Variants in POLRMT observed in about 807,000 individuals in gnomAD.
POLRMT encodes DNA-directed RNA polymerase, mitochondrial.
Under a neutral mutation model 132.2 loss-of-function variants are expected in POLRMT, and 114 were observed. The ratio of observed to expected loss-of-function variants is 0.86; its 90% CI spans 0.74 to 1.01. The LOEUF (loss-of-function observed/expected upper bound fraction) is 1.01, where lower values mean the gene tolerates loss of function less well. Among genes scored for constraint, POLRMT ranks in the 50% least tolerant of loss-of-function variants. The pLI is 0.00. For missense variants in POLRMT, 2,003 were observed against 1,729.1 expected (o/e 1.16, Z -2.81); for synonymous variants, 1,020 against 773.4 (o/e 1.32, Z -5.29).
At chr19:629,350 C>T (rs991971169) in intron 3 of POLRMT, among the ~76,000 whole-genome samples, 190 bp downstream of exon 3, 2 of 152,082 alleles carry the variant, frequency 1.3e-5, no homozygotes, top group Non-Finnish European at 2.9e-5. Context: ...GAATTTCTCC[C>T]TACTTTTTTG....
At position 621,040 on chromosome 19, in the gene POLRMT, C is replaced by T. The variant is rs758803267; in HGVS notation, c.2640+18G>A. On this transcript the variant is annotated intron_variant, in intron 10 of 20. Coordinates refer to ENST00000588649, the MANE Select transcript of POLRMT (RefSeq NM_005035.4). ...GGGGGTGCCGGGAGGGCGGGGAATG[C>T]GGGGGCCCCGCCCCTACCGTCAAGG... 5.2e-6 allele frequency: 8 copies of T among 1,542,126 alleles called. No homozygotes were observed. In the African/African-American group the frequency reaches 6.8e-5, roughly 13 times the overall value.
intron 8 of POLRMT, 66 bp downstream of exon 8, chr19:622,516 T>C: frequency 1.3e-6 from 2 of 1,512,504 alleles, no homozygotes; most frequent in Non-Finnish European, 1.8e-6. Flanking sequence ...ACCCGGCTGC[T>C]CCAGGGAGGG....
At chr19:629,259 C>G (rs1239537008) in intron 3 of POLRMT, among the ~76,000 whole-genome samples, 2 of 152,000 alleles carry the variant, frequency 1.3e-5, no homozygotes, top group South Asian at 2.1e-4. Context: ...GGCTGCCCCC[C>G]GACGAGGCCA....
chr19:619,126 C>T lies in POLRMT; in HGVS notation c.3154-16G>A, dbSNP rs558781113. 31 of 1,610,606 alleles carry T rather than the reference C, an allele frequency of 1.9e-5. No individual in the cohort carries two copies. Among genetic ancestry groups the T allele is most frequent in the East Asian group, 2.2e-5 (1 of 44,854 alleles). On this transcript the variant is annotated splice_polypyrimidine_tract_variant and intron_variant, in intron 14 of 20. Transcript: ENST00000588649. ...TCAGCCAGTGCTGTGGGACACAGGC[C>T]GTCTCAGGGCAGGGGGCTCAGGCCG...
intron 10 of POLRMT, 62 bp from the exon 11 acceptor site, chr19:620,549 G>A (rs1394151132): frequency 7.5e-6 from 11 of 1,464,604 alleles, no homozygotes; most frequent in African/African-American, 4.2e-5. Flanking sequence ...CCGCTGGGAG[G>A]CTGTGTTGCG....
intron 3 of POLRMT, among the ~76,000 whole-genome samples, chr19:628,854 A>G (rs1225838768): frequency 6.6e-6 from 1 of 152,124 alleles, no homozygotes; most frequent in Non-Finnish European, 1.5e-5. Context: ...AAATACAAAA[A>G]TTAATCGGGG....
At position 622,828 on chromosome 19, in the gene POLRMT, A is replaced by G. The variant is rs773776137; in HGVS notation, c.1448T>C (p.Leu483Pro). Reference sequence around the variant, plus strand: ...GCGCGGAGGAAGACGCACCTGCAGGAGCATCCGCACCACCTCGCGCTCGTC... The same window carrying G: ...GCGCGGAGGAAGACGCACCTGCAGGGGCATCCGCACCACCTCGCGCTCGTC... ...LLDEREVVRM[L>P]LQVLQALPAQ... Residue 483 changes from leucine to proline, a missense_variant, in exon 7 of 21, where the codon CTC (leucine) becomes CCC (proline). By Grantham distance (98) the Leu-to-Pro change is moderately conservative. Coordinates refer to ENST00000588649, the MANE Select transcript of POLRMT (RefSeq NM_005035.4). 1.9e-6 allele frequency: 3 copies of G among 1,594,472 alleles called. No individual in the cohort carries two copies. Among genetic ancestry groups the G allele is most frequent in the Non-Finnish European group, 2.6e-6 (3 of 1,171,562 alleles).
chr19:623,069 G>A, intron 6 of POLRMT, 84 bp from the exon 7 acceptor site: 2 of 1,476,600 alleles, frequency 1.4e-6, no homozygotes, highest in East Asian at 2.4e-5. Context: ...GCAGCTCCCT[G>A]CAGAGACCTC....
rs765341224 is a variant in POLRMT at position 625,236 on chromosome 19, C to T, written c.841G>A (p.Val281Ile). Residue 281 changes from valine to isoleucine, a missense_variant, in exon 4 of 21, where the codon GTA (valine) becomes ATA (isoleucine). Physicochemically the swap from Val to Ile is conservative, Grantham distance 29 (BLOSUM62 3). Coordinates refer to ENST00000588649, the MANE Select transcript of POLRMT (RefSeq NM_005035.4). ...WARQGAFKELVYVLFMVKDAG... is the reference protein window; with the variant it reads ...WARQGAFKELIYVLFMVKDAG... Reference sequence around the variant, plus strand: ...TCCTTCACCATGAATAACACATATACCAGCTCCTTGAAGGCACCCTGGGAG... The same window carrying T: ...TCCTTCACCATGAATAACACATATATCAGCTCCTTGAAGGCACCCTGGGAG... 5 of 1,613,864 alleles carry T rather than the reference C, an allele frequency of 3.1e-6. No homozygotes were observed. The highest frequency in any genetic ancestry group is 1.3e-5 in the African/African-American group (1 of 74,926).
Position 617,407 on chromosome 19 carries a change from C to G in POLRMT, c.3643+12G>C. 1 of 1,612,306 alleles carries G rather than the reference C, an allele frequency of 6.2e-7. No individual in the cohort carries two copies. The highest frequency in any genetic ancestry group is 1.3e-5 in the African/African-American group (1 of 75,018). On this transcript the variant is annotated intron_variant, in intron 20 of 20. Transcript: ENST00000588649. ...GTTCGAGCCACCCTTGCGAGGCTGCCCACCCGCCTACCTGGCTTGGGCACC... is the reference window on the plus strand; with the variant it reads ...GTTCGAGCCACCCTTGCGAGGCTGCGCACCCGCCTACCTGGCTTGGGCACC...
Position 626,602 on chromosome 19 carries a change from T to C in POLRMT, c.823-1348A>G, listed in dbSNP as rs186003162. Among the ~76,000 whole-genome samples, 834 of 119,924 alleles carry C rather than the reference T, an allele frequency of 7.0e-3. 10 individuals carry two copies. The highest frequency in any genetic ancestry group is 0.026 in the African/African-American group (803 of 30,618). The allele number at this position is 119,924 out of a possible 152,430, so 78.7% of individuals were successfully genotyped here. On this transcript the variant is annotated intron_variant, in intron 3 of 20. Transcript: ENST00000588649. Reference sequence around the variant, plus strand: ...GAGTTTAAGACCAGCCTGGCCAACATAGTGAAACCCCATCTCCACTAAAAA... The same window carrying C: ...GAGTTTAAGACCAGCCTGGCCAACACAGTGAAACCCCATCTCCACTAAAAA...
chr19:622,073 C>G (rs1568168483), intron 9 of POLRMT, 76 bp downstream of exon 9: 4 of 1,371,522 alleles, frequency 2.9e-6, no homozygotes, highest in Non-Finnish European at 3.9e-6. Flanking sequence ...AGGCTCCGCC[C>G]AAAGGCGCCA....
In POLRMT at chr19:621,535, G is replaced by T; in HGVS notation, c.2163C>A (p.Phe721Leu). 12 of 1,404,168 alleles carry T rather than the reference G, an allele frequency of 8.5e-6. No individual in the cohort carries two copies. The highest frequency in any genetic ancestry group is 1.0e-5 in the Non-Finnish European group (11 of 1,087,922). The allele number at this position is 1,404,168 out of a possible 1,614,324, so 87.0% of individuals were successfully genotyped here. The change falls in exon 10 of 21, where the codon TTC becomes TTA. Residue 721 changes from phenylalanine to leucine, a missense_variant. Transcript: ENST00000588649. ...CTAGCTGGGGGCAGCCCTTGGCCTGGAAGAGCTGCAGCACCAGGTCCAGCA... is the reference window on the plus strand; with the variant it reads ...CTAGCTGGGGGCAGCCCTTGGCCTGTAAGAGCTGCAGCACCAGGTCCAGCA... The part of the protein sequence containing the change: ...GRVLDLVLQL[F>L]QAKGCPQLGV...
intron 3 of POLRMT, among the ~76,000 whole-genome samples, chr19:627,496 C>T (rs974373195): frequency 6.6e-6 from 1 of 152,064 alleles, no homozygotes; most frequent in African/African-American, 2.4e-5. Context: ...GTAGACCTCA[C>T]TGGCCACACA....
chr19:633,424 C>T lies in POLRMT; in HGVS notation c.88+1G>A, dbSNP rs779184986. On this transcript the variant is annotated splice_donor_variant, in intron 1 of 20. Coordinates refer to ENST00000588649, the MANE Select transcript of POLRMT (RefSeq NM_005035.4). LOFTEE classifies it high-confidence loss of function. ...TGCCTGGCCGTCTCCCTTTGTGTTA[C>T]CTTCTTTGCCGGGGAGTCCCGGGCG... The T allele has an allele frequency of 6.5e-7, 1 of 1,545,932 alleles. No individual in the cohort carries two copies. The highest frequency in any genetic ancestry group is 1.2e-5 in the South Asian group (1 of 81,908).
intron 17 of POLRMT, 67 bp from the exon 18 acceptor site, chr19:617,916 G>GA: frequency 6.8e-7 from 1 of 1,465,772 alleles, no homozygotes; most frequent in South Asian, 1.2e-5. Flanking sequence ...CCAGCATCCT[G>GA]GCCCTGCGCT....
At chr19:623,847 G>T (rs1315676951) in intron 5 of POLRMT, among the ~76,000 whole-genome samples, 2 of 152,212 alleles carry the variant, frequency 1.3e-5, no homozygotes, top group Admixed American at 1.3e-4. Context: ...GGTGGCAGGG[G>T]CGGTGATGCT....
chr19:627,260 T>A (rs1453886888), intron 3 of POLRMT, among the ~76,000 whole-genome samples: 1 of 148,944 alleles, frequency 6.7e-6, no homozygotes, highest in Non-Finnish European at 1.5e-5. Context: ...CACTCCATCC[T>A]CCTGCCTCAG....
intron 1 of POLRMT, 81 bp from the exon 2 acceptor site, chr19:633,019 A>C: frequency 2.1e-6 from 2 of 961,658 alleles, no homozygotes; most frequent in Non-Finnish European, 2.9e-6. Flanking sequence ...GAAGGGTCGA[A>C]GGGCAAAGGA....
Sources: allele counts gnomAD v4.1 joint callset (sites outside exome capture counted in the v4.1 genomes callset), GRCh38; gene constraint gnomAD v4.1.1; transcripts MANE v1.5; gene names NCBI Gene and HGNC (gene_info 2026-07-23, HGNC 2026-07-21).